LARP1: variants seen among roughly 807,000 people sequenced by gnomAD.
The protein encoded by LARP1 is la-related protein 1.
In LARP1, 36 loss-of-function variants were observed where a neutral mutation model predicts 122.7. The ratio of observed to expected loss-of-function variants is 0.29; its 90% CI spans 0.22 to 0.39. The LOEUF is 0.39. Among genes scored for constraint, LARP1 ranks in the 10% least tolerant of loss-of-function variants. LARP1 has a pLI of 1.00. For synonymous variants in LARP1, 539 were observed against 528.7 expected, an observed-to-expected ratio of 1.02 and a Z score of -0.27; for missense variants, 1,040 against 1,403.6, an observed-to-expected ratio of 0.74 and a Z score of 4.14.
rs773427219 is a variant in LARP1, at chr5:154,808,609, C to G, written c.2843+6C>G. On this transcript the variant is annotated splice_donor_region_variant and intron_variant, in intron 16 of 18. Coordinates refer to ENST00000518297, the MANE Select transcript of LARP1 (RefSeq NM_033551.3). ...GACGCCAAAGAAGGCTACAGGTGAG[C>G]AGGTTTGGGTGGGGGACTTTGGCTG... 77 of 1,610,478 alleles carry G rather than the reference C, an allele frequency of 4.8e-5. No individual in the cohort carries two copies. Among genetic ancestry groups the G allele is most frequent in the Non-Finnish European group, 5.8e-5 (68 of 1,178,354 alleles).
At chr5:154,740,268 G>A (rs7728194) in intron 1 of LARP1, among the ~76,000 whole-genome samples, 13 of 151,140 alleles carry the variant, frequency 8.6e-5, no homozygotes, top group Admixed American at 7.9e-4. Flanking sequence ...TGGCACATGC[G>A]TGTAATCCCA....
intron 18 of LARP1, among the ~76,000 whole-genome samples, chr5:154,812,077 G>T (rs1249266819): frequency 6.6e-6 from 1 of 152,146 alleles, no homozygotes; most frequent in African/African-American, 2.4e-5. Flanking sequence ...GCAGGGCTGG[G>T]TTATTACTGC....
At chr5:154,805,111 C>G (rs75232796) in intron 14 of LARP1, 3,967 of 341,102 alleles carry the variant, frequency 0.012, 149 homozygotes, top group African/African-American at 0.08. Flanking sequence ...CTAAGAAAAT[C>G]ACAAAGAAGG....
intron 10 of LARP1, among the ~76,000 whole-genome samples, chr5:154,800,978 C>A (rs1367483043): frequency 6.6e-6 from 1 of 152,184 alleles, no homozygotes; most frequent in Non-Finnish European, 1.5e-5. Context: ...AAAGTCCAGG[C>A]CTACAAAGTT....
chr5:154,743,683 G>C (rs536466386), intron 1 of LARP1, among the ~76,000 whole-genome samples: 22 of 151,574 alleles, frequency 1.5e-4, no homozygotes, highest in African/African-American at 4.8e-4. Flanking sequence ...ATAGTGGCAC[G>C]ATCTGGACTT....
upstream of LARP1, among the ~76,000 whole-genome samples, chr5:154,710,064 G>A (rs1466022948): frequency 6.6e-6 from 1 of 152,116 alleles, no homozygotes; most frequent in Non-Finnish European, 1.5e-5. Context: ...GATCTGACAG[G>A]AGGTGGAGCT....
chr5:154,697,561 T>C (rs1392795508), intron 1 of LARP1, among the ~76,000 whole-genome samples: 1 of 152,200 alleles, frequency 6.6e-6, no homozygotes, highest in Non-Finnish European at 1.5e-5. Context: ...GATTCATACA[T>C]TGGAATGTTA....
At chr5:154,779,052 G>C (rs1004568773) in intron 1 of LARP1, among the ~76,000 whole-genome samples, 1 of 152,106 alleles carries the variant, frequency 6.6e-6, no homozygotes, top group Non-Finnish European at 1.5e-5. Context: ...TTGGGCACCA[G>C]TCAGGTTCAA....
At chr5:154,771,894 T>C (rs1356758130) in intron 1 of LARP1, among the ~76,000 whole-genome samples, 3 of 152,206 alleles carry the variant, frequency 2.0e-5, no homozygotes, top group East Asian at 1.9e-4. Flanking sequence ...TGGAAGGCTG[T>C]CTGGCTTTGT....
intron 1 of LARP1, among the ~76,000 whole-genome samples, chr5:154,775,914 G>C (rs1234027327): frequency 6.6e-6 from 1 of 152,204 alleles, no homozygotes; most frequent in Non-Finnish European, 1.5e-5. Flanking sequence ...CCATTGTGAG[G>C]ACTAAAAAAC....
chr5:154,751,923 G>T (rs1467921920), upstream of LARP1, among the ~76,000 whole-genome samples: 1 of 152,030 alleles, frequency 6.6e-6, no homozygotes, highest in Non-Finnish European at 1.5e-5. Flanking sequence ...TACCATAGTT[G>T]GTTAGGAATC....
chr5:154,808,308 A>G (rs896359731), intron 15 of LARP1, 151 bp from the exon 16 acceptor site: 2 of 915,670 alleles, frequency 2.2e-6, no homozygotes, highest in East Asian at 2.7e-5. Context: ...TGCTCAATAG[A>G]TATCTGCTGA....
chr5:154,773,894 A>C (rs1362821020), intron 1 of LARP1, among the ~76,000 whole-genome samples: 4 of 152,134 alleles, frequency 2.6e-5, no homozygotes, highest in African/African-American at 9.7e-5. Context: ...AGAAGGGGAC[A>C]TGGGTTGGCC....
intron 1 of LARP1, among the ~76,000 whole-genome samples, chr5:154,760,767 C>T (rs1754386854): frequency 6.6e-6 from 1 of 152,178 alleles, no homozygotes; most frequent in Non-Finnish European, 1.5e-5. Context: ...ACACTATTTC[C>T]AATAAATAAA....
At chr5:154,688,050 AC>A (rs1754018733) in intron 1 of LARP1, among the ~76,000 whole-genome samples, 1 of 152,044 alleles carries the variant, frequency 6.6e-6, no homozygotes, top group East Asian at 1.9e-4. Context: ...CAAATGAGTG[AC>A]CTAGGCCAAG....
intron 1 of LARP1, among the ~76,000 whole-genome samples, chr5:154,739,120 A>G (rs1007071290): frequency 1.3e-5 from 2 of 151,962 alleles, no homozygotes; most frequent in Admixed American, 6.6e-5. Context: ...GGTTCAAGCA[A>G]TTCTTCTGCC....
intron 1 of LARP1, among the ~76,000 whole-genome samples, chr5:154,692,957 C>T (rs1754291509): frequency 6.6e-6 from 1 of 150,724 alleles, no homozygotes; most frequent in African/African-American, 2.4e-5. Context: ...TACAGACACG[C>T]ACCACCATAC....
At chr5:154,710,649 A>G (rs924021253), upstream of LARP1, among the ~76,000 whole-genome samples, 47 of 150,276 alleles carry the variant, frequency 3.1e-4, no homozygotes, top group Non-Finnish European at 1.5e-5. Context: ...AGGCTGAGGC[A>G]GGAGAATCGC....
chr5:154,749,901 C>T (rs971095212), intron 1 of LARP1, among the ~76,000 whole-genome samples: 2 of 152,228 alleles, frequency 1.3e-5, no homozygotes, highest in Admixed American at 1.3e-4. Context: ...AACCATTCCT[C>T]CTTCCTTTAC....
Sources: allele counts gnomAD v4.1 joint callset (sites outside exome capture counted in the v4.1 genomes callset), GRCh38; gene constraint gnomAD v4.1.1; transcripts MANE v1.5; gene names NCBI Gene and HGNC (gene_info 2026-07-23, HGNC 2026-07-21).